The following ISLR2 variants were observed in gnomAD, a reference collection of about 807,000 sequenced individuals.
ISLR2 encodes immunoglobulin superfamily containing leucine-rich repeat protein 2.
In ISLR2, 16 loss-of-function variants were observed where a neutral mutation model predicts 25.5. The ratio of observed to expected loss-of-function variants is 0.63; its 90% CI spans 0.43 to 0.95. ISLR2 has a LOEUF of 0.95. Ranked by LOEUF, ISLR2 falls within the 40% of genes least tolerant of loss-of-function variation. The pLI, the probability that ISLR2 is intolerant of heterozygous loss-of-function variation, is 0.00. For synonymous variants in ISLR2, 508 were observed against 486.6 expected (o/e 1.04, Z -0.58); for missense variants, 883 against 1,030.7 (o/e 0.86, Z 1.96).
Position 74,132,970 on chromosome 15 carries a change from C to T in ISLR2, c.216C>T (p.Ala72=), listed in dbSNP as rs1158898115. ...KITVLRRGAF[A]DVTQVTSLWL... is the part of the protein sequence containing the mutation. The stretch of plus-strand genomic sequence containing the variant: ...CTGTGCTGCGGCGCGGGGCCTTCGC[C>T]GACGTCACACAGGTCACGTCGCTGT... The change falls in exon 3 of 3, where the codon GCC becomes GCT. Residue 72 remains alanine (A), a synonymous_variant. Coordinates refer to ENST00000453268, the MANE Select transcript of ISLR2 (RefSeq NM_020851.3). This position sits in a 1 kb window ranked among gnomAD's most constrained non-coding sequence, Gnocchi z 4.3. The T allele has an allele frequency of 1.9e-6, 3 of 1,613,992 alleles. No homozygotes were observed. Among genetic ancestry groups the T allele is most frequent in the Non-Finnish European group, 2.5e-6 (3 of 1,179,926 alleles).
chr15:74,133,275 C>T lies in ISLR2; in HGVS notation c.521C>T (p.Ser174Leu). Reference sequence around the variant, plus strand: ...ACCTTCGACGCGCTTAGCGCGCTGTCACACTTGCAACTCTATCACAATCCC... The same window carrying T: ...ACCTTCGACGCGCTTAGCGCGCTGTTACACTTGCAACTCTATCACAATCCC... ...PGTFDALSALSHLQLYHNPFH... is the reference protein window; with the variant it reads ...PGTFDALSALLHLQLYHNPFH... Residue 174 changes from serine (S) to leucine (L), a missense_variant, in exon 3 of 3, where the codon TCA (serine) becomes TTA (leucine). By Grantham distance (145) the Ser-to-Leu change is moderately radical. Transcript: ENST00000453268. 1 of 1,611,356 alleles carries T rather than the reference C, an allele frequency of 6.2e-7. No homozygotes were observed. The highest frequency in any genetic ancestry group is 8.5e-7 in the Non-Finnish European group (1 of 1,179,980).
chr15:74,134,346 A>C lies in ISLR2; in HGVS notation c.1592A>C (p.Tyr531Ser), dbSNP rs760625563. The change falls in exon 3 of 3, where the codon TAT (tyrosine) becomes TCT (serine). Residue 531 changes from tyrosine to serine, a missense_variant. By Grantham distance (144) the Tyr-to-Ser change is moderately radical. Coordinates refer to ENST00000453268, the MANE Select transcript of ISLR2 (RefSeq NM_020851.3). ...RPGRRPLRLL[Y>S]LCPAGGGAAV... ...GGGCGGCGACCCCTGCGCCTACTCT[A>C]TCTGTGTCCAGCGGGGGGCGGCGCG... is the stretch of plus-strand genomic sequence containing the variant. 1 of 1,588,334 alleles carries C rather than the reference A, an allele frequency of 6.3e-7. No homozygotes were observed. Among genetic ancestry groups the C allele is most frequent in the Non-Finnish European group, 8.5e-7 (1 of 1,169,856 alleles).
At position 74,133,540 on chromosome 15, in the gene ISLR2, C is replaced by G. The variant is rs756618014; in HGVS notation, c.786C>G (p.Ala262=). 6 of 1,614,140 alleles carry G rather than the reference C, an allele frequency of 3.7e-6. No individual in the cohort carries two copies. The highest frequency in any genetic ancestry group is 5.1e-6 in the Non-Finnish European group (6 of 1,179,998). Residue 262 remains alanine (A), a synonymous_variant, in exon 3 of 3, where the codon GCC becomes GCG. Transcript: ENST00000453268. The part of the protein sequence containing the change: ...AGLAFVLHCI[A]DGHPTPRLQW... ...TGGCGTTCGTGTTACACTGCATCGC[C>G]GACGGCCACCCTACGCCTCGCCTGC...
At chr15:74,140,067 G>A (rs1215732572), downstream of ISLR2, among the ~76,000 whole-genome samples, 1 of 152,062 alleles carries the variant, frequency 6.6e-6, no homozygotes, top group Non-Finnish European at 1.5e-5. Flanking sequence ...TCTAAAGAAA[G>A]GTTATTTGAA....
chr15:74,121,212 G>A (rs1256397838), intron 2 of ISLR2, among the ~76,000 whole-genome samples: 4 of 152,174 alleles, frequency 2.6e-5, no homozygotes, highest in East Asian at 1.9e-4. Context: ...TTGCCTGCAC[G>A]GGGCTACCAG....
In ISLR2 at chr15:74,135,089, C is replaced by A; in HGVS notation, c.*97C>A. On this transcript the variant is annotated 3_prime_UTR_variant, in exon 3 of 3. Coordinates refer to ENST00000453268, the MANE Select transcript of ISLR2 (RefSeq NM_020851.3). Reference sequence around the variant, plus strand: ...CAGGACTTATGTCCCCCGTCCCCAACCTTCACCTACTCCTCCCCCTTACTA... The same window carrying A: ...CAGGACTTATGTCCCCCGTCCCCAAACTTCACCTACTCCTCCCCCTTACTA... 1 of 1,408,968 alleles carries A rather than the reference C, an allele frequency of 7.1e-7. No homozygotes were observed. The highest frequency in any genetic ancestry group is 9.7e-7 in the Non-Finnish European group (1 of 1,028,990). 87.3% of individuals were successfully genotyped at this position (1,408,968 alleles called of 1,614,324 possible).
rs771346071 is a variant in ISLR2, at chr15:74,134,899, G to A, written c.2145G>A (p.Ala715=). 6.2e-7 allele frequency: 1 copy of A among 1,614,120 alleles called. No individual in the cohort carries two copies. Among genetic ancestry groups the A allele is most frequent in the East Asian group, 2.2e-5 (1 of 44,868 alleles). Residue 715 remains alanine, a synonymous_variant, in exon 3 of 3, where the codon GCG becomes GCA. Coordinates refer to ENST00000453268, the MANE Select transcript of ISLR2 (RefSeq NM_020851.3). ...AGGCCAACCAAGAGGAGTTCGAGGC[G>A]GGCTCTGAGTACAGCGATCGGCTGC... is the stretch of plus-strand genomic sequence containing the variant. ...QSKANQEEFE[A]GSEYSDRLPL...
chr15:74,103,682 G>A (rs977066099), intron 1 of ISLR2, among the ~76,000 whole-genome samples: 2 of 132,382 alleles, frequency 1.5e-5, no homozygotes, highest in African/African-American at 5.9e-5. Context: ...GATATGATAT[G>A]GCTTGGTTCT....
chr15:74,140,020 T>C (rs1025349441), downstream of ISLR2, among the ~76,000 whole-genome samples: 6 of 152,084 alleles, frequency 3.9e-5, no homozygotes, highest in Non-Finnish European at 5.9e-5. Flanking sequence ...AGAAACCAGA[T>C]GGCCAGGATG....
chr15:74,126,349 T>G (rs965091892), upstream of ISLR2: 1 of 113,262 alleles, frequency 8.8e-6, no homozygotes, highest in Non-Finnish European at 1.8e-5. Flanking sequence ...GCATAGGTAT[T>G]TTTTTTTTTT....
In ISLR2 at chr15:74,132,373, G is replaced by A. The variant is rs2072440739; in HGVS notation, c.-8-374G>A. Among the ~76,000 whole-genome samples the A allele has an allele frequency of 6.6e-6, 1 of 152,148 alleles. No homozygotes were observed. The highest frequency in any genetic ancestry group is 1.5e-5 in the Non-Finnish European group (1 of 68,024). ...AGTCACGGACAAAAATGTCCTTCTT[G>A]GGTAGGATCCATTTCACCAGGTTAA... On this transcript the variant is annotated intron_variant, in intron 2 of 2. Coordinates refer to ENST00000453268, the MANE Select transcript of ISLR2 (RefSeq NM_020851.3). This position sits in a 1 kb window ranked among gnomAD's most constrained non-coding sequence, Gnocchi z 4.3.
At chr15:74,116,055 G>T (rs1390933554) in intron 2 of ISLR2, among the ~76,000 whole-genome samples, 1 of 151,050 alleles carries the variant, frequency 6.6e-6, no homozygotes, top group African/African-American at 2.4e-5. Context: ...AAATTAGCCA[G>T]GCATGGTGGC....
At chr15:74,108,798 G>C (rs2072142632) in intron 2 of ISLR2, among the ~76,000 whole-genome samples, 1 of 152,222 alleles carries the variant, frequency 6.6e-6, no homozygotes, top group Non-Finnish European at 1.5e-5. Flanking sequence ...GGGCTAGGGG[G>C]TGCCCAGGGC....
upstream of ISLR2, among the ~76,000 whole-genome samples, chr15:74,125,250 T>C (rs1034920202): frequency 6.6e-6 from 1 of 152,138 alleles, no homozygotes. Context: ...TTTTTGTTTT[T>C]GTTTTGAGAC....
At chr15:74,117,275 C>T (rs981822611) in intron 2 of ISLR2, among the ~76,000 whole-genome samples, 2 of 152,206 alleles carry the variant, frequency 1.3e-5, no homozygotes, top group Non-Finnish European at 2.9e-5. Flanking sequence ...CCAGCCTCCC[C>T]TACAATCCAT....
intron 2 of ISLR2, among the ~76,000 whole-genome samples, chr15:74,120,729 T>C (rs911504335): frequency 6.6e-6 from 1 of 151,976 alleles, no homozygotes; most frequent in Non-Finnish European, 1.5e-5. Context: ...TGCTTACCCT[T>C]TGTGATCTCA....
chr15:74,110,060 T>C (rs1438871215), intron 2 of ISLR2, among the ~76,000 whole-genome samples: 1 of 152,178 alleles, frequency 6.6e-6, no homozygotes, highest in Non-Finnish European at 1.5e-5. Flanking sequence ...TCCTAAAAGT[T>C]TCCTTTTTAA....
upstream of ISLR2, among the ~76,000 whole-genome samples, chr15:74,125,334 C>T (rs920944932): frequency 1.3e-5 from 2 of 152,098 alleles, no homozygotes; most frequent in African/African-American, 4.8e-5. Flanking sequence ...ACCTCCTGGG[C>T]TCAAGCGATC....
chr15:74,133,097 C>T lies in ISLR2; in HGVS notation c.343C>T (p.Pro115Ser). Residue 115 changes from proline (P) to serine (S), a missense_variant, in exon 3 of 3, where the codon CCG (proline) becomes TCG (serine). Physicochemically the swap from Pro to Ser is moderately conservative, Grantham distance 74 (BLOSUM62 -1). Transcript: ENST00000453268. ...DLSHNFISSF[P>S]WSDLRNLSAL... is the part of the protein sequence containing the mutation. ...GAGCCACAACTTCATATCCAGCTTTCCGTGGAGCGACCTGCGCAACCTGAG... is the reference window on the plus strand; with the variant it reads ...GAGCCACAACTTCATATCCAGCTTTTCGTGGAGCGACCTGCGCAACCTGAG... 2 of 1,612,866 alleles carry T rather than the reference C, an allele frequency of 1.2e-6. No homozygotes were observed. Among genetic ancestry groups the T allele is most frequent in the African/African-American group, 2.7e-5 (2 of 75,074 alleles).
Sources: allele counts gnomAD v4.1 joint callset (sites outside exome capture counted in the v4.1 genomes callset), GRCh38; gene constraint gnomAD v4.1.1; non-coding constraint Gnocchi (gnomAD v3.1); transcripts MANE v1.5; gene names NCBI Gene and HGNC (gene_info 2026-07-23, HGNC 2026-07-21).